The following CTSZ variants were observed in gnomAD, a reference collection of about 807,000 sequenced individuals.
The protein encoded by CTSZ is cathepsin Z, also known as carboxypeptidase LB.
Under a neutral mutation model 32.4 loss-of-function variants are expected in CTSZ, and 39 were observed. The observed-to-expected ratio is 1.20, with a 90% CI of 0.93 to 1.57. The LOEUF is 1.57. CTSZ is among the 40% of genes most tolerant of loss of function. The pLI is 0.00. For synonymous variants in CTSZ, 168 were observed against 170.1 expected (o/e 0.99, Z 0.10); for missense variants, 397 against 419.6 (o/e 0.95, Z 0.47).
rs1457779216 is a variant in CTSZ, at chr20:59,002,312, A to G, written c.308-668T>C. On this transcript the variant is annotated intron_variant, in intron 2 of 5. Transcript: ENST00000217131. This position sits in a 1 kb window ranked among gnomAD's most constrained non-coding sequence, Gnocchi z 4.1. The stretch of plus-strand genomic sequence containing the variant: ...CACCGAGGGACCTGCTTCCCTTCCC[A>G]TGCACAAATGCAATAAAACAGATCC... Among the ~76,000 whole-genome samples the G allele has an allele frequency of 6.6e-6, 1 of 152,106 alleles. No individual in the cohort carries two copies. The highest frequency in any genetic ancestry group is 1.5e-5 in the Non-Finnish European group (1 of 67,982).
intron 1 of CTSZ, 54 bp downstream of exon 1, chr20:59,006,932 G>A: frequency 2.2e-6 from 3 of 1,341,070 alleles, no homozygotes; most frequent in East Asian, 6.2e-5. Flanking sequence ...CGCGCGCCTG[G>A]CCCGGGCGAT....
intron 3 of CTSZ, among the ~76,000 whole-genome samples, chr20:58,998,486 C>T (rs2091871658): frequency 6.7e-6 from 1 of 149,802 alleles, no homozygotes; most frequent in East Asian, 2.0e-4. Context: ...GCAGAGGTTG[C>T]AGTGAGCCAG....
At chr20:59,000,332 C>T (rs543598737) in intron 3 of CTSZ, among the ~76,000 whole-genome samples, 3 of 152,352 alleles carry the variant, frequency 2.0e-5, no homozygotes, top group East Asian at 1.9e-4. Context: ...GAGCAGAGAT[C>T]GTGCCATTGC....
At position 59,007,093 on chromosome 20, in the gene CTSZ, C is replaced by G. The variant is rs1293852597; in HGVS notation, c.36G>C (p.Leu12=). The change falls in exon 1 of 6, where the codon CTG becomes CTC. Residue 12 remains leucine, a synonymous_variant. Coordinates refer to ENST00000217131, the MANE Select transcript of CTSZ (RefSeq NM_001336.4). The part of the protein sequence containing the change: ...ARRGPGWRPL[L]LLVLLAGAAQ... ...CCGCGCCCGCCAGCAGCACGAGCAG[C>G]AGAAGCGGCCGCCACCCTGGCCCGC... 2 of 1,446,434 alleles carry G rather than the reference C, an allele frequency of 1.4e-6. No individual in the cohort carries two copies. The highest frequency in any genetic ancestry group is 9.1e-7 in the Non-Finnish European group (1 of 1,104,912). 89.6% of individuals were successfully genotyped at this position (1,446,434 alleles called of 1,614,324 possible).
intron 2 of CTSZ, 55 bp from the exon 3 acceptor site, chr20:59,001,699 C>T (rs992639773): frequency 1.0e-5 from 16 of 1,573,846 alleles, no homozygotes; most frequent in South Asian, 9.3e-5. Flanking sequence ...CCCACTTCCC[C>T]GAACGGACCT....
rs141912408 is a variant in CTSZ, at chr20:58,996,790, A to G, written c.650T>C (p.Met217Thr). 7.4e-6 allele frequency: 12 copies of G among 1,614,042 alleles called. No homozygotes were observed. In the African/African-American group the frequency reaches 1.5e-4, roughly 20 times the overall value. The change falls in exon 5 of 6, where the codon ATG (methionine) becomes ACG (threonine). Residue 217 changes from methionine to threonine, a missense_variant. By Grantham distance (81) the Met-to-Thr change is moderately conservative (BLOSUM62 -1). Coordinates refer to ENST00000217131, the MANE Select transcript of CTSZ (RefSeq NM_001336.4). ...GTAGTTAGCCAGTCTTTCTGTTGCCATTATTCCACAGCTGAGAGCAAGCAG... is the reference window on the plus strand; with the variant it reads ...GTAGTTAGCCAGTCTTTCTGTTGCCGTTATTCCACAGCTGAGAGCAAGCAG... ...YANGPISCGI[M>T]ATERLANYTG...
chr20:58,996,856 A>C (rs1361695669), intron 4 of CTSZ, 55 bp from the exon 5 acceptor site: 1 of 1,586,722 alleles, frequency 6.3e-7, no homozygotes, highest in African/African-American at 1.3e-5. Context: ...ATTTACCGTC[A>C]TTAGAAATAA....
chr20:58,997,830 TCTCCA>T, intron 3 of CTSZ, 77 bp from the exon 4 acceptor site: 1 of 1,343,518 alleles, frequency 7.4e-7, no homozygotes, highest in Non-Finnish European at 1.0e-6. Context: ...CCAAGCCCAC[TCTCCA>T]CTCTCATCAT....
At chr20:59,006,936 G>C (rs1197412717) in intron 1 of CTSZ, 50 bp downstream of exon 1, 2 of 1,347,782 alleles carry the variant, frequency 1.5e-6, no homozygotes, top group Non-Finnish European at 1.9e-6. Flanking sequence ...CGCCTGGCCC[G>C]GGCGATGGGC....
Position 59,002,887 on chromosome 20 carries a change from C to G in CTSZ, c.308-1243G>C, listed in dbSNP as rs1021564637. ...CCCGCTCCCTTGTCAGCTATGCCCC[C>G]TCTAAGCAGATCTGCACACCCCAAA... On this transcript the variant is annotated intron_variant, in intron 2 of 5. Coordinates refer to ENST00000217131, the MANE Select transcript of CTSZ (RefSeq NM_001336.4). This position sits in a 1 kb window ranked among gnomAD's most constrained non-coding sequence, Gnocchi z 4.1. Among the ~76,000 whole-genome samples the G allele has an allele frequency of 1.3e-5, 2 of 152,148 alleles. No homozygotes were observed. Among genetic ancestry groups the G allele is most frequent in the Non-Finnish European group, 2.9e-5 (2 of 68,022 alleles).
At chr20:59,006,248 C>T in intron 2 of CTSZ, 74 bp downstream of exon 2, 1 of 1,487,950 alleles carries the variant, frequency 6.7e-7, no homozygotes, top group Non-Finnish European at 9.0e-7. Context: ...GAACCGCGGG[C>T]TGAGCTGCCT....
intron 2 of CTSZ, 190 bp downstream of exon 2, chr20:59,006,132 C>A (rs941588305): frequency 3.0e-6 from 2 of 666,538 alleles, no homozygotes; most frequent in African/African-American, 3.6e-5. Flanking sequence ...ACCCAAAAGC[C>A]CCAGAATGAC....
intron 3 of CTSZ, 65 bp from the exon 4 acceptor site, chr20:58,997,818 C>T (rs761580958): frequency 8.3e-6 from 12 of 1,452,248 alleles, no homozygotes; most frequent in African/African-American, 5.7e-5. Context: ...CAAAGAAGCC[C>T]GCCAAGCCCA....
chr20:58,999,711 C>T lies in CTSZ; in HGVS notation c.487+1754G>A, dbSNP rs555532796. ...GCAGGGGTGGAGGCAGCAAAGCAAG[C>T]AGCTGCTGGGCTTTCCCAGCTCTCT... On this transcript the variant is annotated intron_variant, in intron 3 of 5. Transcript: ENST00000217131. Among the ~76,000 whole-genome samples the T allele has an allele frequency of 3.9e-5, 6 of 152,358 alleles. No homozygotes were observed. In the East Asian group the frequency reaches 5.8e-4, roughly 15 times the overall value.
intron 2 of CTSZ, among the ~76,000 whole-genome samples, chr20:59,003,534 G>C (rs1275903386): frequency 6.6e-6 from 1 of 152,230 alleles, no homozygotes; most frequent in African/African-American, 2.4e-5. Context: ...CAACTTACGA[G>C]GGGGTTGTCG....
Position 59,002,604 on chromosome 20 carries a change from G to A in CTSZ, c.308-960C>T, listed in dbSNP as rs1014168112. ...ACTCTCCCACACTGCCCCACAGTCC[G>A]CTCCTCCACCTGGCCTCCTCCCGGT... is the stretch of plus-strand genomic sequence containing the variant. On this transcript the variant is annotated intron_variant, in intron 2 of 5. Coordinates refer to ENST00000217131, the MANE Select transcript of CTSZ (RefSeq NM_001336.4). This position sits in a 1 kb window ranked among gnomAD's most constrained non-coding sequence, Gnocchi z 4.1. 6.7e-6 allele frequency among the ~76,000 whole-genome samples: 1 copy of A among 149,210 alleles called. No individual in the cohort carries two copies. Among genetic ancestry groups the A allele is most frequent in the Non-Finnish European group, 1.5e-5 (1 of 67,968 alleles).
At position 59,007,214 on chromosome 20, in the gene CTSZ, G is replaced by GGCCTCC; in HGVS notation, c.-87_-86insGGAGGC. 1.7e-6 allele frequency: 2 copies of GGCCTCC among 1,191,532 alleles called. No individual in the cohort carries two copies. Among genetic ancestry groups the GGCCTCC allele is most frequent in the Non-Finnish European group, 2.1e-6 (2 of 967,814 alleles). 73.8% of individuals were successfully genotyped at this position (1,191,532 alleles called of 1,614,324 possible). ...CGGCTCCCGCTCTGGATCCCGCCCC[G>GGCCTCC]GCCTCGGCCTCGGCCCAGCACCCGG... On this transcript the variant is annotated 5_prime_UTR_variant, in exon 1 of 6. Coordinates refer to ENST00000217131, the MANE Select transcript of CTSZ (RefSeq NM_001336.4).
At chr20:59,003,964 C>T (rs778426350) in intron 2 of CTSZ, among the ~76,000 whole-genome samples, 6 of 152,154 alleles carry the variant, frequency 3.9e-5, no homozygotes, top group East Asian at 1.9e-4. Flanking sequence ...TGAGGGCAGT[C>T]GGCAGTGGGG....
intron 4 of CTSZ, 84 bp from the exon 5 acceptor site, chr20:58,996,885 C>T (rs917940753): frequency 1.0e-5 from 15 of 1,475,638 alleles, no homozygotes; most frequent in African/African-American, 9.7e-5. Flanking sequence ...GGCTGGGCGC[C>T]GTGGCTCACG....
Sources: allele counts gnomAD v4.1 joint callset (sites outside exome capture counted in the v4.1 genomes callset), GRCh38; gene constraint gnomAD v4.1.1; non-coding constraint Gnocchi (gnomAD v3.1); transcripts MANE v1.5; gene names NCBI Gene and HGNC (gene_info 2026-07-23, HGNC 2026-07-21).